Variants in CNTNAP5 observed in about 807,000 individuals in gnomAD.
The protein encoded by CNTNAP5 is contactin-associated protein-like 5.
Under a neutral mutation model 150.2 loss-of-function variants are expected in CNTNAP5, and 72 were observed. The observed-to-expected ratio is 0.48, with a 90% confidence interval of 0.40 to 0.58. CNTNAP5 has a LOEUF of 0.58. CNTNAP5 is among the 20% of genes least tolerant of loss of function. The pLI is 0.00. For synonymous variants in CNTNAP5, 672 were observed against 619.8 expected (o/e 1.08, Z -1.25); for missense variants, 1,636 against 1,626.2 (o/e 1.01, Z -0.10).
At chr2:124,661,651 TTTA>T (rs1256962023) in intron 13 of CNTNAP5, among the ~76,000 whole-genome samples, 2 of 152,012 alleles carry the variant, frequency 1.3e-5, no homozygotes, top group East Asian at 1.9e-4. Flanking sequence ...AACATAGTCA[TTTA>T]TTATTATTAT....
At chr2:124,124,824 G>T (rs1044013174) in intron 1 of CNTNAP5, among the ~76,000 whole-genome samples, 1 of 152,180 alleles carries the variant, frequency 6.6e-6, no homozygotes, top group African/African-American at 2.4e-5. Flanking sequence ...AGCTTCACAA[G>T]TGGAGGAGAA....
Position 124,529,752 on chromosome 2 carries a change from T to C in CNTNAP5, c.1649+2296T>C, listed in dbSNP as rs547646289. 6.6e-4 allele frequency among the ~76,000 whole-genome samples: 101 copies of C among 152,318 alleles called. 1 individual carries two copies. Among genetic ancestry groups the C allele is most frequent in the African/African-American group, 2.2e-3 (91 of 41,562 alleles). ...TAGGCTGGCAGTGGTTTTCCTTACC[T>C]GGACTGCTGTCTGGAAAGCCCACAG... On this transcript the variant is annotated intron_variant, in intron 10 of 23. Coordinates refer to ENST00000682447, the MANE Select transcript of CNTNAP5 (RefSeq NM_001367498.1).
chr2:124,819,507 C>A (rs984832756), intron 19 of CNTNAP5, among the ~76,000 whole-genome samples: 2 of 152,058 alleles, frequency 1.3e-5, no homozygotes, highest in African/African-American at 4.8e-5. Flanking sequence ...AATGAGTAAA[C>A]AACTGGTGAT....
At chr2:124,359,363 C>T (rs1180187060) in intron 3 of CNTNAP5, among the ~76,000 whole-genome samples, 1 of 151,518 alleles carries the variant, frequency 6.6e-6, no homozygotes, top group African/African-American at 2.4e-5. Flanking sequence ...AATGTGTTTG[C>T]TCTTGCTTTT....
chr2:124,116,967 T>G (rs577195400), intron 1 of CNTNAP5, among the ~76,000 whole-genome samples: 1 of 152,312 alleles, frequency 6.6e-6, no homozygotes, highest in East Asian at 1.9e-4. Flanking sequence ...AGCACAGATA[T>G]CTGAGTGGGT....
chr2:124,435,623 TA>T (rs1692513139), intron 5 of CNTNAP5, among the ~76,000 whole-genome samples: 1 of 152,136 alleles, frequency 6.6e-6, no homozygotes, highest in African/African-American at 2.4e-5. Flanking sequence ...GTCTTCACTA[TA>T]AAATAGTAAA....
At chr2:124,444,555 A>G (rs1422012730) in intron 5 of CNTNAP5, among the ~76,000 whole-genome samples, 4 of 152,158 alleles carry the variant, frequency 2.6e-5, no homozygotes, top group African/African-American at 9.7e-5. Flanking sequence ...AGATCATGCC[A>G]CTGTACTCAC....
chr2:124,142,085 G>A (rs934098448), intron 1 of CNTNAP5, among the ~76,000 whole-genome samples: 4 of 147,708 alleles, frequency 2.7e-5, no homozygotes, highest in African/African-American at 1.0e-4. Flanking sequence ...AACAAGAGGC[G>A]CTAACTATCC....
At chr2:124,218,739 C>T (rs191795934) in intron 1 of CNTNAP5, among the ~76,000 whole-genome samples, 133 of 152,248 alleles carry the variant, frequency 8.7e-4, no homozygotes, top group Non-Finnish European at 1.7e-3. Flanking sequence ...GAGGTCAGCA[C>T]CTCATGATGG....
At chr2:124,838,553 C>A (rs1021507509) in intron 19 of CNTNAP5, among the ~76,000 whole-genome samples, 1 of 152,150 alleles carries the variant, frequency 6.6e-6, no homozygotes, top group Non-Finnish European at 1.5e-5. Flanking sequence ...AAGAAGTAAT[C>A]TGAAGGCAAC....
intron 22 of CNTNAP5, among the ~76,000 whole-genome samples, chr2:124,907,507 A>G (rs969105425): frequency 1.4e-4 from 21 of 148,498 alleles, no homozygotes; most frequent in Admixed American, 6.8e-4. Flanking sequence ...ATAGATATGT[A>G]TGTATAATAT....
chr2:124,898,447 C>T lies in CNTNAP5; in HGVS notation c.3437-4435C>T, dbSNP rs542792419. Among the ~76,000 whole-genome samples, 145 of 151,502 alleles carry T rather than the reference C, an allele frequency of 9.6e-4. 2 individuals are homozygous for T. Among genetic ancestry groups the T allele is most frequent in the Non-Finnish European group, 1.5e-3 (100 of 67,996 alleles). ...TCACTCTCTTCCTGTAAAACAATTG[C>T]GAATGTGTAAAGTGTTGTGCATTCT... is the stretch of plus-strand genomic sequence containing the variant. On this transcript the variant is annotated intron_variant, in intron 21 of 23. Coordinates refer to ENST00000682447, the MANE Select transcript of CNTNAP5 (RefSeq NM_001367498.1).
At chr2:124,443,801 G>A (rs1692734601) in intron 5 of CNTNAP5, among the ~76,000 whole-genome samples, 1 of 142,028 alleles carries the variant, frequency 7.0e-6, no homozygotes, top group African/African-American at 2.6e-5. Flanking sequence ...GGGAAAGGGT[G>A]TAATTCCTTG....
At chr2:124,122,867 C>G (rs1364366376) in intron 1 of CNTNAP5, among the ~76,000 whole-genome samples, 1 of 151,842 alleles carries the variant, frequency 6.6e-6, no homozygotes, top group Middle Eastern at 3.4e-3. Context: ...ATGTCAGTGC[C>G]CCTTCAAGGT....
At chr2:124,474,946 C>G in intron 7 of CNTNAP5, 64 bp downstream of exon 7, 3 of 1,409,482 alleles carry the variant, frequency 2.1e-6, no homozygotes, top group Non-Finnish European at 2.9e-6. Flanking sequence ...CTTGCTTTCA[C>G]CAGCCCATTC....
intron 3 of CNTNAP5, among the ~76,000 whole-genome samples, chr2:124,245,424 G>A (rs1225432911): frequency 6.6e-6 from 1 of 151,938 alleles, no homozygotes; most frequent in African/African-American, 2.4e-5. Flanking sequence ...CCAAAACTAA[G>A]CCTTATAACT....
At chr2:124,043,719 T>C (rs1254440747) in intron 1 of CNTNAP5, among the ~76,000 whole-genome samples, 1 of 152,158 alleles carries the variant, frequency 6.6e-6, no homozygotes, top group Admixed American at 6.5e-5. Flanking sequence ...GGAGAGAAGA[T>C]TCAGTGAAGT....
At chr2:124,713,301 CTTCTTTCT>C (rs1679863204) in intron 13 of CNTNAP5, among the ~76,000 whole-genome samples, 63 of 76,890 alleles carry the variant, frequency 8.2e-4, no homozygotes, top group South Asian at 1.6e-3. Context: ...TTCTTTCTTT[CTTCTTTCT>C]CTTTCTTTCC....
At chr2:124,231,841 A>T (rs753703780) in intron 2 of CNTNAP5, among the ~76,000 whole-genome samples, 5 of 152,144 alleles carry the variant, frequency 3.3e-5, no homozygotes, top group Admixed American at 2.0e-4. Context: ...ATAGCCCTCT[A>T]TTCAGGCTGG....
Sources: allele counts gnomAD v4.1 joint callset (sites outside exome capture counted in the v4.1 genomes callset), GRCh38; gene constraint gnomAD v4.1.1; transcripts MANE v1.5; gene names NCBI Gene and HGNC (gene_info 2026-07-23, HGNC 2026-07-21).